RPN2: variants seen among roughly 807,000 people sequenced by gnomAD.
RPN2 encodes dolichyl-diphosphooligosaccharide--protein glycosyltransferase subunit 2.
In RPN2, 29 loss-of-function variants were observed where a neutral mutation model predicts 71.4. The observed-to-expected ratio is 0.41, with a 90% CI of 0.30 to 0.55. RPN2 has a LOEUF of 0.55. Among genes scored for constraint, RPN2 ranks in the 20% least tolerant of loss-of-function variants. RPN2 has a pLI of 0.35. For missense variants in RPN2, 726 were observed against 774.1 expected (o/e 0.94, Z 0.74); for synonymous variants, 308 against 305.0 (o/e 1.01, Z -0.10).
chr20:37,196,041 A>G (rs1378532720), intron 2 of RPN2, among the ~76,000 whole-genome samples: 1 of 150,194 alleles, frequency 6.7e-6, no homozygotes, highest in Admixed American at 6.6e-5. Context: ...ACCCTGTCCT[A>G]CTCTCCAGGA....
At chr20:37,225,322 C>T (rs758524264) in intron 10 of RPN2, among the ~76,000 whole-genome samples, 2 of 152,208 alleles carry the variant, frequency 1.3e-5, no homozygotes, top group Non-Finnish European at 2.9e-5. Context: ...AATTATTTCT[C>T]CTTGCGGTTC....
At chr20:37,188,620 C>CT (rs11479251) in intron 2 of RPN2, among the ~76,000 whole-genome samples, 105,487 of 143,062 alleles carry the variant, frequency 0.74, 39,097 homozygotes, top group Middle Eastern at 0.83. Flanking sequence ...CAATTGGTGT[C>CT]TTTTTTTTTT....
intron 9 of RPN2, among the ~76,000 whole-genome samples, chr20:37,221,421 C>G (rs1475896251): frequency 1.3e-5 from 2 of 152,188 alleles, no homozygotes; most frequent in African/African-American, 4.8e-5. Flanking sequence ...TGGTCTCAAA[C>G]TCCTGACCTC....
At chr20:37,226,840 G>A (rs2068089564) in intron 11 of RPN2, among the ~76,000 whole-genome samples, 1 of 152,152 alleles carries the variant, frequency 6.6e-6, no homozygotes, top group Non-Finnish European at 1.5e-5. Flanking sequence ...CCTGCCTTTA[G>A]TGTTACGTGA....
Position 37,234,096 on chromosome 20 carries a change from G to C in RPN2, c.1753+1G>C. Reference sequence around the variant, plus strand: ...ATTATATTTCACCTGGGACATGCTGGTAAGTGCCCCAGGCTGCTAATTACC... The same window carrying C: ...ATTATATTTCACCTGGGACATGCTGCTAAGTGCCCCAGGCTGCTAATTACC... On this transcript the variant is annotated splice_donor_variant, in intron 15 of 16. Transcript: ENST00000237530. LOFTEE classifies it high-confidence loss of function. 1 of 1,614,072 alleles carries C rather than the reference G, an allele frequency of 6.2e-7. No individual in the cohort carries two copies. Among genetic ancestry groups the C allele is most frequent in the Non-Finnish European group, 8.5e-7 (1 of 1,180,000 alleles).
At chr20:37,230,139 A>T in intron 13 of RPN2, 80 bp downstream of exon 13, 1 of 1,094,358 alleles carries the variant, frequency 9.1e-7, no homozygotes, top group Non-Finnish European at 1.4e-6. Flanking sequence ...TGCTCCCTTT[A>T]ACTTGTTTTG....
intron 4 of RPN2, among the ~76,000 whole-genome samples, chr20:37,203,490 G>A (rs1295590092): frequency 6.6e-6 from 1 of 151,078 alleles, no homozygotes; most frequent in Non-Finnish European, 1.5e-5. Flanking sequence ...ACAAGCACAC[G>A]CTACCATACC....
chr20:37,192,589 T>A (rs1388684747), intron 2 of RPN2, among the ~76,000 whole-genome samples: 1 of 152,202 alleles, frequency 6.6e-6, no homozygotes, highest in East Asian at 1.9e-4. Context: ...GGTATAGTGC[T>A]AGGCACTGGG....
intron 2 of RPN2, among the ~76,000 whole-genome samples, chr20:37,185,033 A>G (rs2066977042): frequency 6.6e-6 from 1 of 152,184 alleles, no homozygotes; most frequent in Admixed American, 6.5e-5. Flanking sequence ...GAAGGCACTC[A>G]CATGTATTAA....
At chr20:37,192,555 A>G (rs1231964760) in intron 2 of RPN2, among the ~76,000 whole-genome samples, 2 of 152,210 alleles carry the variant, frequency 1.3e-5, no homozygotes, top group Non-Finnish European at 2.9e-5. Context: ...CAGCAAATAT[A>G]TAGTGAGTTT....
At chr20:37,197,605 T>C (rs1357191062) in intron 2 of RPN2, among the ~76,000 whole-genome samples, 2 of 152,144 alleles carry the variant, frequency 1.3e-5, no homozygotes, top group Non-Finnish European at 2.9e-5. Context: ...TCATTTTCTT[T>C]TTTATTTTTA....
chr20:37,205,627 TTAAG>T (rs2067495042), intron 6 of RPN2, among the ~76,000 whole-genome samples: 1 of 152,324 alleles, frequency 6.6e-6, no homozygotes, highest in Non-Finnish European at 1.5e-5. Flanking sequence ...CCAAGTTTCT[TTAAG>T]TAAATAGTTA....
At position 37,232,350 on chromosome 20, in the gene RPN2, A is replaced by G. The variant is rs776439296; in HGVS notation, c.1636A>G (p.Thr546Ala). The G allele has an allele frequency of 2.5e-6, 4 of 1,614,144 alleles. No homozygotes were observed. The highest frequency in any genetic ancestry group is 3.4e-6 in the Non-Finnish European group (4 of 1,180,008). ...CCCCACCGTGGTGTCCAATACATTC[A>G]CTGCCCTGATCCTCTCGCCGTTGCT... ...RPPTVVSNTF[T>A]ALILSPLLLL... Residue 546 changes from threonine (T) to alanine (A), a missense_variant, in exon 14 of 17, where the codon ACT becomes GCT. Transcript: ENST00000237530.
chr20:37,241,485 A>G lies in RPN2; in HGVS notation c.*170A>G. On this transcript the variant is annotated 3_prime_UTR_variant, in exon 17 of 17. Transcript: ENST00000237530. ...TTTCAGTTTCCCCAACACACAGCAG[A>G]TACCTGGTGAGCTCAGATAGTCTCT... is the stretch of plus-strand genomic sequence containing the variant. The G allele has an allele frequency of 1.4e-6, 1 of 723,892 alleles. No individual in the cohort carries two copies. Among genetic ancestry groups the G allele is most frequent in the South Asian group, 1.7e-5 (1 of 58,508 alleles). The allele number at this position is 723,892 out of a possible 1,614,324, so 44.8% of individuals were successfully genotyped here. A position where few individuals can be genotyped will look rare whatever the true frequency, so the allele number is the denominator to read the frequency against.
Position 37,241,315 on chromosome 20 carries a change from G to T in RPN2, c.1896G>T (p.Ter632TyrextTer11). The T allele has an allele frequency of 6.2e-7, 1 of 1,612,570 alleles. No homozygotes were observed. The highest frequency in any genetic ancestry group is 2.2e-5 in the East Asian group (1 of 44,836). The change falls in exon 17 of 17, where the codon TAG becomes TAT. Residue 632 changes from the stop codon to tyrosine, a stop_lost. Coordinates refer to ENST00000237530, the MANE Select transcript of RPN2 (RefSeq NM_002951.5). ...CATTTTCTTTCAGAACAGCACATTA[G>T]TTCCAGAAGAAAGATGGAAATTCTG... ...AQQAVKRTAH[*>Y]
chr20:37,205,026 G>T (rs2146589032), intron 6 of RPN2, 125 bp downstream of exon 6: 1 of 1,367,714 alleles, frequency 7.3e-7, no homozygotes, highest in South Asian at 1.3e-5. Context: ...CAGTGTCCTG[G>T]GTTAGGGATT....
At chr20:37,216,493 G>A (rs902232698) in intron 9 of RPN2, among the ~76,000 whole-genome samples, 5 of 150,474 alleles carry the variant, frequency 3.3e-5, no homozygotes, top group African/African-American at 2.5e-5. Flanking sequence ...ACAGAGTCTC[G>A]CTCTGTCACT....
Position 37,210,052 on chromosome 20 carries a change from A to G in RPN2, c.873A>G (p.Gln291=), listed in dbSNP as rs776801848. The G allele has an allele frequency of 1.2e-6, 2 of 1,614,012 alleles. No individual in the cohort carries two copies. The highest frequency in any genetic ancestry group is 1.3e-5 in the African/African-American group (1 of 75,050). The change falls in exon 8 of 17, where the codon CAA becomes CAG. Residue 291 remains glutamine (Q), a synonymous_variant. Coordinates refer to ENST00000237530, the MANE Select transcript of RPN2 (RefSeq NM_002951.5). ...DTHEQAILRL[Q]VTNVLSQPLT... ...AATTTTTTATTTATTTCCAGTTGCA[A>G]GTCACCAATGTTCTGTCTCAGCCTC...
At chr20:37,212,673 G>A (rs1442621760) in intron 8 of RPN2, among the ~76,000 whole-genome samples, 9 of 151,980 alleles carry the variant, frequency 5.9e-5, no homozygotes, top group Admixed American at 5.9e-4. Flanking sequence ...TAGGAATGGG[G>A]TTTCACCATG....
Sources: allele counts gnomAD v4.1 joint callset (sites outside exome capture counted in the v4.1 genomes callset), GRCh38; gene constraint gnomAD v4.1.1; transcripts MANE v1.5; gene names NCBI Gene and HGNC (gene_info 2026-07-23, HGNC 2026-07-21).